The following AFF3 variants were observed in gnomAD, a reference collection of about 807,000 sequenced individuals.
The protein encoded by AFF3 is ALF transcription elongation factor 3.
AFF3 carries 32 observed loss-of-function variants against 129.7 expected under a neutral mutation model. That is an observed-to-expected ratio of 0.25 (90% CI 0.19 to 0.33). The LOEUF is 0.33. AFF3 is among the 10% of genes least tolerant of loss of function. The pLI is 1.00. For synonymous variants in AFF3, 644 were observed against 635.4 expected (o/e 1.01, Z -0.20); for missense variants, 1,373 against 1,592.0 (o/e 0.86, Z 2.34).
At chr2:99,567,827 T>C (rs1676115297) in intron 19 of AFF3, among the ~76,000 whole-genome samples, 1 of 152,210 alleles carries the variant, frequency 6.6e-6, no homozygotes, top group African/African-American at 2.4e-5. Flanking sequence ...CTGTAAACTT[T>C]AGATGCTGGA....
intron 4 of AFF3, among the ~76,000 whole-genome samples, chr2:100,099,494 C>T (rs1448668118): frequency 6.6e-6 from 1 of 150,534 alleles, no homozygotes; most frequent in Non-Finnish European, 1.5e-5. Context: ...AAACAAGATC[C>T]ACACTTTATT....
chr2:99,740,135 C>T (rs911867969), intron 10 of AFF3, among the ~76,000 whole-genome samples: 27 of 151,690 alleles, frequency 1.8e-4, no homozygotes, highest in African/African-American at 6.0e-4. Context: ...CTACAAAGGA[C>T]GTGAACTCAT....
At chr2:99,575,406 C>T (rs952269434) in intron 18 of AFF3, among the ~76,000 whole-genome samples, 5 of 137,546 alleles carry the variant, frequency 3.6e-5, no homozygotes, top group Non-Finnish European at 7.6e-5. Context: ...ATTACAGGTG[C>T]CTGGCTAATT....
rs1679207497 is a variant in AFF3 at position 99,724,597 on chromosome 2, A to G, written c.1091+2480T>C. Among the ~76,000 whole-genome samples the G allele has an allele frequency of 2.6e-5, 4 of 152,060 alleles. No individual in the cohort carries two copies. The South Asian group carries it at 6.2e-4, about 24-fold the overall frequency. ...CTGGAGTGACCTTTCTGATCCTCAG[A>G]TTCCTTATCCATAATATGGGGATAT... On this transcript the variant is annotated intron_variant, in intron 11 of 24. Coordinates refer to ENST00000672756, the MANE Select transcript of AFF3 (RefSeq NM_001386135.1).
chr2:99,708,071 T>TA (rs1490929672), intron 11 of AFF3, among the ~76,000 whole-genome samples: 1 of 152,204 alleles, frequency 6.6e-6, no homozygotes, highest in Non-Finnish European at 1.5e-5. Flanking sequence ...ATTTTTAGCA[T>TA]AAGTATGTCC....
At chr2:99,621,678 A>T (rs1390671189) in intron 13 of AFF3, among the ~76,000 whole-genome samples, 1 of 152,246 alleles carries the variant, frequency 6.6e-6, no homozygotes, top group Non-Finnish European at 1.5e-5. Flanking sequence ...CAAGCGCTCA[A>T]TGCGGCCATA....
chr2:99,560,912 C>T (rs533463181), intron 20 of AFF3, among the ~76,000 whole-genome samples: 2 of 152,266 alleles, frequency 1.3e-5, no homozygotes, highest in South Asian at 4.1e-4. Flanking sequence ...CATAAGTGTC[C>T]TGAGTACATT....
chr2:99,768,301 T>C (rs909507457), intron 8 of AFF3, among the ~76,000 whole-genome samples: 1 of 152,152 alleles, frequency 6.6e-6, no homozygotes, highest in African/African-American at 2.4e-5. Flanking sequence ...CTGCAGATAA[T>C]GTCAATGGTG....
intron 4 of AFF3, among the ~76,000 whole-genome samples, chr2:100,059,070 T>G (rs926286270): frequency 6.6e-6 from 1 of 151,932 alleles, no homozygotes; most frequent in Non-Finnish European, 1.5e-5. Flanking sequence ...CTGGCCAACA[T>G]GGTGAAACCC....
chr2:99,992,830 G>T (rs1046287734), intron 7 of AFF3, among the ~76,000 whole-genome samples: 2 of 152,200 alleles, frequency 1.3e-5, no homozygotes, highest in African/African-American at 2.4e-5. Context: ...TAAGGCAGGG[G>T]TTGCTTGTTT....
rs114095862 is a variant in AFF3, at chr2:100,071,567, T to C, written c.53+32835A>G. On this transcript the variant is annotated intron_variant, in intron 4 of 24. Coordinates refer to ENST00000672756, the MANE Select transcript of AFF3 (RefSeq NM_001386135.1). ...GTGGTTCTGTGAGGCCCCTGGTCTGTAGAAAGAAACCACCACGCTCTGGCT... is the reference window on the plus strand; with the variant it reads ...GTGGTTCTGTGAGGCCCCTGGTCTGCAGAAAGAAACCACCACGCTCTGGCT... 5.1e-3 allele frequency among the ~76,000 whole-genome samples: 770 copies of C among 152,242 alleles called. 9 individuals are homozygous for C. The highest frequency in any genetic ancestry group is 0.017 in the African/African-American group (722 of 41,568).
intron 7 of AFF3, among the ~76,000 whole-genome samples, chr2:99,981,261 G>A (rs1204213518): frequency 2.6e-5 from 4 of 151,808 alleles, no homozygotes; most frequent in Non-Finnish European, 4.4e-5. Flanking sequence ...CAGGTGATCC[G>A]CCCACCTCAG....
At chr2:99,828,210 A>G (rs1470167308) in intron 8 of AFF3, among the ~76,000 whole-genome samples, 5 of 152,212 alleles carry the variant, frequency 3.3e-5, no homozygotes, top group Admixed American at 3.3e-4. Context: ...GGGGGTTGAT[A>G]AAGTCAATGG....
At chr2:99,970,527 A>C (rs1678252575) in intron 7 of AFF3, among the ~76,000 whole-genome samples, 1 of 152,126 alleles carries the variant, frequency 6.6e-6, no homozygotes, top group Non-Finnish European at 1.5e-5. Flanking sequence ...TTATTAAACT[A>C]TTTTTATTGC....
rs79827072 is a variant in AFF3, at chr2:99,674,389, G to A, written c.1092-1800C>T. Reference sequence around the variant, plus strand: ...CCTTGAGTCCCCAGTGACCAGCACAGTGCGGCACAGAACACAACGCCAGTT... The same window carrying A: ...CCTTGAGTCCCCAGTGACCAGCACAATGCGGCACAGAACACAACGCCAGTT... On this transcript the variant is annotated intron_variant, in intron 11 of 24. Transcript: ENST00000672756. Among the ~76,000 whole-genome samples, 7 of 152,352 alleles carry A rather than the reference G, an allele frequency of 4.6e-5. No individual in the cohort carries two copies. In the East Asian group the frequency reaches 1.4e-3, roughly 29 times the overall value.
chr2:99,948,370 C>T (rs1675833918), intron 7 of AFF3, among the ~76,000 whole-genome samples: 1 of 152,218 alleles, frequency 6.6e-6, no homozygotes, highest in Admixed American at 6.5e-5. Flanking sequence ...GCAACAACTG[C>T]TCATAGTGCC....
chr2:100,047,001 A>G (rs1378332421), intron 4 of AFF3, among the ~76,000 whole-genome samples: 1 of 146,524 alleles, frequency 6.8e-6, no homozygotes, highest in Non-Finnish European at 1.5e-5. Flanking sequence ...TGACTTTAAG[A>G]GTAAGACTTT....
intron 2 of AFF3, among the ~76,000 whole-genome samples, chr2:100,125,087 G>A (rs1225253049): frequency 6.6e-6 from 1 of 152,234 alleles, no homozygotes; most frequent in Non-Finnish European, 1.5e-5. Flanking sequence ...AGAACGTGGA[G>A]AAGAGGAGAG....
intron 4 of AFF3, among the ~76,000 whole-genome samples, chr2:100,072,697 A>G (rs1688290466): frequency 6.6e-6 from 1 of 152,316 alleles, no homozygotes; most frequent in Non-Finnish European, 1.5e-5. Flanking sequence ...CTTGTTCCTC[A>G]TGTGTATTAA....
Sources: allele counts gnomAD v4.1 joint callset (sites outside exome capture counted in the v4.1 genomes callset), GRCh38; gene constraint gnomAD v4.1.1; transcripts MANE v1.5; gene names NCBI Gene and HGNC (gene_info 2026-07-23, HGNC 2026-07-21).